PANX1: variants seen among roughly 807,000 people sequenced by gnomAD.
PANX1 encodes the protein pannexin 1, also known as pannexin-1.
PANX1 carries 30 observed loss-of-function variants against 38.7 expected under a neutral mutation model. The observed-to-expected ratio is 0.78, with a 90% CI of 0.58 to 1.05. The LOEUF is 1.05. PANX1 is among the 50% of genes least tolerant of loss of function. The pLI, the probability that PANX1 is intolerant of heterozygous loss-of-function variation, is 0.00. For missense variants in PANX1, 551 were observed against 517.2 expected (o/e 1.07, Z -0.63); for synonymous variants, 230 against 212.2 (o/e 1.08, Z -0.73).
intron 2 of PANX1, among the ~76,000 whole-genome samples, chr11:94,162,106 G>T (rs1591519124): frequency 6.6e-6 from 1 of 152,170 alleles, no homozygotes; most frequent in East Asian, 1.9e-4. Flanking sequence ...GTACCTGGTT[G>T]TGTGAGGTGT....
At chr11:94,166,114 C>T (rs570260568) in intron 2 of PANX1, among the ~76,000 whole-genome samples, 1 of 152,170 alleles carries the variant, frequency 6.6e-6, no homozygotes, top group East Asian at 1.9e-4. Context: ...TATTGTGTAT[C>T]TCCTAACAAC....
At chr11:94,150,549 C>T (rs1312863802) in intron 1 of PANX1, among the ~76,000 whole-genome samples, 3 of 152,110 alleles carry the variant, frequency 2.0e-5, no homozygotes, top group African/African-American at 7.2e-5. Context: ...GGCCCCCGGC[C>T]CCCTGGCAGC....
chr11:94,164,456 A>G (rs1168059865), intron 2 of PANX1, among the ~76,000 whole-genome samples: 1 of 152,146 alleles, frequency 6.6e-6, no homozygotes, highest in Non-Finnish European at 1.5e-5. Context: ...CTCTTCATTG[A>G]CCCAGTGGTC....
At chr11:94,130,838 A>G (rs531732523) in intron 1 of PANX1, among the ~76,000 whole-genome samples, 9 of 152,168 alleles carry the variant, frequency 5.9e-5, no homozygotes, top group African/African-American at 2.2e-4. Context: ...AGTTGAGGGA[A>G]TAGTTGATTA....
At chr11:94,152,906 G>C (rs577732589) in intron 1 of PANX1, among the ~76,000 whole-genome samples, 276 of 152,206 alleles carry the variant, frequency 1.8e-3, no homozygotes, top group African/African-American at 5.9e-3. Flanking sequence ...GCAGTCGTGA[G>C]CGTTTCCCTT....
chr11:94,148,113 A>G (rs945786359), intron 1 of PANX1, among the ~76,000 whole-genome samples: 2 of 152,190 alleles, frequency 1.3e-5, no homozygotes, highest in Non-Finnish European at 2.9e-5. Context: ...TGCGGAGGGT[A>G]CTTATATTTT....
At chr11:94,171,698 C>G (rs767511217) in intron 2 of PANX1, among the ~76,000 whole-genome samples, 3 of 151,630 alleles carry the variant, frequency 2.0e-5, no homozygotes, top group Non-Finnish European at 2.9e-5. Flanking sequence ...TAAGTCAGCA[C>G]TGGTATGACA....
At chr11:94,168,825 G>A (rs1947131556) in intron 2 of PANX1, among the ~76,000 whole-genome samples, 1 of 151,590 alleles carries the variant, frequency 6.6e-6, no homozygotes, top group African/African-American at 2.4e-5. Context: ...GGTGGGAAGT[G>A]CATCTTTTCT....
chr11:94,155,489 G>A (rs1289637230), intron 2 of PANX1, among the ~76,000 whole-genome samples: 3 of 151,964 alleles, frequency 2.0e-5, no homozygotes, highest in Non-Finnish European at 4.4e-5. Flanking sequence ...ACTCCAGCAT[G>A]GGCAACAGAG....
At chr11:94,159,818 T>C (rs1295737493) in intron 2 of PANX1, among the ~76,000 whole-genome samples, 2 of 151,960 alleles carry the variant, frequency 1.3e-5, no homozygotes, top group Admixed American at 1.3e-4. Context: ...AATTGTGATG[T>C]TAGCGTGTCA....
rs1375048322 is a variant in PANX1, at chr11:94,129,139, A to C, written c.-174A>C. On this transcript the variant is annotated 5_prime_UTR_variant, in exon 1 of 5. Coordinates refer to ENST00000227638, the MANE Select transcript of PANX1 (RefSeq NM_015368.4). ...GCGGAGGCAGCGAGCGCGAGAGCCC[A>C]GCGGAGTCGCTGGGAGCCTGAGGCA... 7.9e-6 allele frequency: 4 copies of C among 503,550 alleles called. No homozygotes were observed. The highest frequency in any genetic ancestry group is 3.8e-5 in the Admixed American group (1 of 26,226). 31.2% of individuals were successfully genotyped at this position (503,550 alleles called of 1,614,324 possible).
chr11:94,178,589 A>G lies in PANX1; in HGVS notation c.542A>G (p.Gln181Arg). 2 of 1,610,142 alleles carry G rather than the reference A, an allele frequency of 1.2e-6. No individual in the cohort carries two copies. Among genetic ancestry groups the G allele is most frequent in the South Asian group, 1.1e-5 (1 of 90,964 alleles). The stretch of plus-strand genomic sequence containing the variant: ...CCAGGTGTTACCGAGAACTTAGGGC[A>G]AAGGTAACTTAGCCCCAGCAGGCAG... ...SVPGVTENLGQSLWEVSESHF... is the reference protein window; with the variant it reads ...SVPGVTENLGRSLWEVSESHF... Residue 181 changes from glutamine (Q) to arginine (R), a missense_variant, in exon 3 of 5, where the codon CAA (glutamine) becomes CGA (arginine). Gln to Arg is a conservative substitution (Grantham distance 43, BLOSUM62 1). Coordinates refer to ENST00000227638, the MANE Select transcript of PANX1 (RefSeq NM_015368.4).
intron 1 of PANX1, among the ~76,000 whole-genome samples, chr11:94,148,544 T>C (rs1946851169): frequency 1.3e-5 from 2 of 152,180 alleles, no homozygotes; most frequent in South Asian, 2.1e-4. Context: ...TTCAGGGTCC[T>C]CTTTGTATGA....
At chr11:94,157,328 G>A (rs535916699) in intron 2 of PANX1, among the ~76,000 whole-genome samples, 2 of 152,264 alleles carry the variant, frequency 1.3e-5, no homozygotes, top group South Asian at 2.1e-4. Context: ...TTCCACAATG[G>A]TTGAACTAGT....
chr11:94,142,142 C>G (rs1227200032), intron 1 of PANX1, among the ~76,000 whole-genome samples: 3 of 152,132 alleles, frequency 2.0e-5, no homozygotes, highest in African/African-American at 7.2e-5. Context: ...AGCTCACAGC[C>G]CAGCTCAGAA....
chr11:94,146,137 C>CT (rs1029073858), intron 1 of PANX1, among the ~76,000 whole-genome samples: 66 of 152,296 alleles, frequency 4.3e-4, no homozygotes, highest in African/African-American at 1.6e-3. Flanking sequence ...ATCCATGGGA[C>CT]TGCTCAGGAA....
intron 1 of PANX1, among the ~76,000 whole-genome samples, chr11:94,138,132 G>T (rs906743625): frequency 1.2e-4 from 19 of 152,042 alleles, no homozygotes; most frequent in Admixed American, 2.6e-4. Flanking sequence ...GACTGGTGTG[G>T]TTGGGTTGCC....
intron 1 of PANX1, among the ~76,000 whole-genome samples, chr11:94,143,570 GAA>G (rs1946789245): frequency 6.6e-6 from 1 of 152,054 alleles, no homozygotes; most frequent in Non-Finnish European, 1.5e-5. Flanking sequence ...TTACTAATAA[GAA>G]AACCTCAGAG....
chr11:94,166,792 T>G (rs925678631), intron 2 of PANX1, among the ~76,000 whole-genome samples: 1 of 152,134 alleles, frequency 6.6e-6, no homozygotes, highest in African/African-American at 2.4e-5. Context: ...TTTGCCCAAG[T>G]TGAAAGATCT....
Sources: allele counts gnomAD v4.1 joint callset (sites outside exome capture counted in the v4.1 genomes callset), GRCh38; gene constraint gnomAD v4.1.1; transcripts MANE v1.5; gene names NCBI Gene and HGNC (gene_info 2026-07-23, HGNC 2026-07-21).